The following WDFY4 variants were observed in gnomAD, a reference collection of about 807,000 sequenced individuals.
The protein encoded by WDFY4 is WD repeat- and FYVE domain-containing protein 4.
WDFY4 carries 169 observed loss-of-function variants against 351.9 expected under a neutral mutation model. The observed-to-expected ratio is 0.48, with a 90% CI of 0.42 to 0.55. The LOEUF (loss-of-function observed/expected upper bound fraction) is 0.55, where lower values mean the gene tolerates loss of function less well. Among genes scored for constraint, WDFY4 ranks in the 20% least tolerant of loss-of-function variants. The pLI is 0.00. For missense variants in WDFY4, 3,803 were observed against 3,935.6 expected (o/e 0.97, Z 0.90); for synonymous variants, 1,622 against 1,574.6 (o/e 1.03, Z -0.71).
intron 43 of WDFY4, among the ~76,000 whole-genome samples, chr10:48,882,665 T>C (rs138845371): frequency 1.2e-3 from 180 of 152,192 alleles, no homozygotes; most frequent in East Asian, 0.011. Flanking sequence ...GCGCATCACA[T>C]AGTGAGAGAG....
At chr10:48,749,973 C>T (rs1051492117) in intron 12 of WDFY4, among the ~76,000 whole-genome samples, 4 of 152,150 alleles carry the variant, frequency 2.6e-5, no homozygotes, top group African/African-American at 9.7e-5. Flanking sequence ...TAACTTATAG[C>T]CCTAAGGGGA....
At chr10:48,685,047 G>GCATATGGGCGCCGC (rs2063004573) in intron 1 of WDFY4, 46 bp downstream of exon 1, 1 of 152,460 alleles carries the variant, frequency 6.6e-6, no homozygotes, top group Admixed American at 6.5e-5. Flanking sequence ...CTAGAGGTGG[G>GCATATGGGCGCCGC]CATATGGGCG....
intron 54 of WDFY4, among the ~76,000 whole-genome samples, chr10:48,965,357 T>C (rs1313973285): frequency 2.6e-5 from 4 of 152,186 alleles, no homozygotes; most frequent in African/African-American, 9.7e-5. Flanking sequence ...GAAGACAAGA[T>C]TGCAGCACTC....
At chr10:48,810,153 AT>A (rs2067399887) in intron 28 of WDFY4, among the ~76,000 whole-genome samples, 1 of 152,198 alleles carries the variant, frequency 6.6e-6, no homozygotes, top group African/African-American at 2.4e-5. Flanking sequence ...AATATTCATT[AT>A]GTGTTTTATG....
chr10:48,921,866 T>C (rs1248148357), intron 47 of WDFY4, among the ~76,000 whole-genome samples: 1 of 152,214 alleles, frequency 6.6e-6, no homozygotes, highest in African/African-American at 2.4e-5. Flanking sequence ...TCCTTGCTGA[T>C]GGGAATGCAA....
intron 19 of WDFY4, among the ~76,000 whole-genome samples, chr10:48,781,571 C>A (rs1284466102): frequency 6.6e-6 from 1 of 152,162 alleles, no homozygotes; most frequent in African/African-American, 2.4e-5. Flanking sequence ...GCTGGGATAA[C>A]AGGTGTGAGC....
intron 33 of WDFY4, among the ~76,000 whole-genome samples, 181 bp downstream of exon 33, chr10:48,820,618 T>C (rs2067790263): frequency 6.6e-6 from 1 of 152,178 alleles, no homozygotes; most frequent in Non-Finnish European, 1.5e-5. Flanking sequence ...ACAGAGTCCC[T>C]AGAAGCAGAG....
chr10:48,813,066 C>G (rs773197866), intron 30 of WDFY4, among the ~76,000 whole-genome samples: 2 of 152,158 alleles, frequency 1.3e-5, no homozygotes, highest in Non-Finnish European at 2.9e-5. Flanking sequence ...TGCCTGCCTC[C>G]TTAGAAACTG....
chr10:48,962,203 G>A (rs535323172), intron 53 of WDFY4, among the ~76,000 whole-genome samples: 86 of 152,292 alleles, frequency 5.6e-4, no homozygotes, highest in Non-Finnish European at 1.0e-3. Flanking sequence ...AGTTCATGAG[G>A]TATACCCCAA....
rs771339557 is a variant in WDFY4 at position 48,953,333 on chromosome 10, T to TCTCACACACA, written c.7978-3795_7978-3794insTCACACACAC. 5.6e-3 allele frequency among the ~76,000 whole-genome samples: 723 copies of TCTCACACACA among 128,180 alleles called. 4 individuals carry two copies. The highest frequency in any genetic ancestry group is 0.011 in the East Asian group (47 of 4,178). 84.1% of individuals were successfully genotyped at this position (128,180 alleles called of 152,430 possible). ...CTCTCTCTCTCTCTCTCTCTCTCTC[T>TCTCACACACA]CACACACACACACACACACACACAC... is the stretch of plus-strand genomic sequence containing the variant. On this transcript the variant is annotated intron_variant, in intron 51 of 61. Transcript: ENST00000325239.
At position 48,780,198 on chromosome 10, in the gene WDFY4, CTA is replaced by C. The variant is rs145747177; in HGVS notation, c.3576+81_3576+82del. The C allele has an allele frequency of 1.6e-3, 2,365 of 1,481,706 alleles. 38 individuals are homozygous for C. The African/African-American group carries it at 0.029, about 18-fold the overall frequency. 91.8% of individuals were successfully genotyped at this position (1,481,706 alleles called of 1,614,324 possible). ...ACCCTGAAGTGGCCTCGGTTTCATT[CTA>C]TGTTTTTGTTGTTGTTTGTTTGTTT... On this transcript the variant is annotated intron_variant, in intron 19 of 61. Coordinates refer to ENST00000325239, the MANE Select transcript of WDFY4 (RefSeq NM_001394531.1).
At chr10:48,921,263 G>T (rs2133585202) in intron 47 of WDFY4, among the ~76,000 whole-genome samples, 1 of 152,236 alleles carries the variant, frequency 6.6e-6, no homozygotes, top group South Asian at 2.1e-4. Context: ...GATGGGACAG[G>T]TAGATAGGTC....
intron 2 of WDFY4, among the ~76,000 whole-genome samples, chr10:48,716,759 T>C (rs955673070): frequency 6.6e-6 from 1 of 152,216 alleles, no homozygotes; most frequent in Non-Finnish European, 1.5e-5. Flanking sequence ...ATATAGATGC[T>C]TCTGAGTCAA....
chr10:48,957,135 A>G lies in WDFY4; in HGVS notation c.7984A>G (p.Ser2662Gly). Residue 2662 changes from serine (S) to glycine (G), a missense_variant, in exon 52 of 62, where the codon AGC becomes GGC. By Grantham distance (56) the Ser-to-Gly change is moderately conservative (BLOSUM62 0). Around this residue, in one of 3 missense-constraint regions of WDFY4, gnomAD observed 3,054 missense variants for 3,148.6 expected, o/e 0.97. Coordinates refer to ENST00000325239, the MANE Select transcript of WDFY4 (RefSeq NM_001394531.1). ...TTGGCTCCATTTCCCCCAGGGCGGA[A>G]GCTTCGACGTGGCAGACAGAATGTT... The part of the protein sequence containing the change: ...TQAFCALQGG[S>G]FDVADRMFHS... 1 of 1,549,718 alleles carries G rather than the reference A, an allele frequency of 6.5e-7. No homozygotes were observed. The highest frequency in any genetic ancestry group is 8.7e-7 in the Non-Finnish European group (1 of 1,145,562).
chr10:48,950,142 C>T (rs911617998), intron 51 of WDFY4, among the ~76,000 whole-genome samples: 1 of 152,174 alleles, frequency 6.6e-6, no homozygotes, highest in Admixed American at 6.5e-5. Context: ...CACCATCTGC[C>T]TCCAGAACTT....
chr10:48,874,524 G>T (rs1338912368), intron 41 of WDFY4, among the ~76,000 whole-genome samples: 1 of 151,892 alleles, frequency 6.6e-6, no homozygotes, highest in Non-Finnish European at 1.5e-5. Context: ...AAAATCCTTT[G>T]TAAAATCTAA....
chr10:48,709,624 C>A, intron 1 of WDFY4, 92 bp from the exon 2 acceptor site: 2 of 1,093,812 alleles, frequency 1.8e-6, no homozygotes, highest in Non-Finnish European at 2.6e-6. Flanking sequence ...TCAATAGAAA[C>A]TGGGCTGAGT....
At chr10:48,974,812 A>C (rs560507129) in intron 57 of WDFY4, 50 bp from the exon 58 acceptor site, 2 of 1,466,044 alleles carry the variant, frequency 1.4e-6, no homozygotes, top group East Asian at 5.0e-5. Context: ...AATTCCCAAA[A>C]GTAGCTGAAT....
At chr10:48,820,512 C>A in intron 33 of WDFY4, 75 bp downstream of exon 33, 1 of 1,477,100 alleles carries the variant, frequency 6.8e-7, no homozygotes, top group Non-Finnish European at 9.2e-7. Flanking sequence ...GGGCAGGATG[C>A]ACCCAGGGAG....
Sources: gnomAD v4.1 joint callset for allele counts (sites outside exome capture counted in the v4.1 genomes callset) on GRCh38, gnomAD v4.1.1 for gene constraint, gnomAD v4.1.1 regional missense constraint, MANE v1.5 for transcripts, NCBI Gene and HGNC (gene_info 2026-07-23, HGNC 2026-07-21) for gene names.